KCNMA1: variants seen among roughly 807,000 people sequenced by gnomAD.
KCNMA1 encodes potassium calcium-activated channel subfamily M alpha 1.
A neutral mutation model predicts 140.0 loss-of-function variants in KCNMA1; 29 were observed. The ratio of observed to expected loss-of-function variants is 0.21; its 90% CI spans 0.15 to 0.28. The LOEUF (loss-of-function observed/expected upper bound fraction) is 0.28, where lower values mean the gene tolerates loss of function less well. Ranked by LOEUF, KCNMA1 falls within the 10% of genes least tolerant of loss-of-function variation. The pLI, the probability that KCNMA1 is intolerant of heterozygous loss-of-function variation, is 1.00. For missense variants in KCNMA1, 880 were observed against 1,602.2 expected, an observed-to-expected ratio of 0.55 and a Z score of 7.70; for synonymous variants, 612 against 611.9, an observed-to-expected ratio of 1.00 and a Z score of 0.00.
At chr10:76,902,677 T>G (rs1490508560) in intron 25 of KCNMA1, 1 of 152,184 alleles carries the variant, frequency 6.6e-6, no homozygotes, top group Non-Finnish European at 1.5e-5. Flanking sequence ...TGGTTATGAG[T>G]ACAGATTTCC....
chr10:77,375,689 C>T (rs554106769), intron 2 of KCNMA1, among the ~76,000 whole-genome samples: 4 of 152,350 alleles, frequency 2.6e-5, no homozygotes, highest in African/African-American at 9.6e-5. Context: ...CTGCTCAGCT[C>T]GTGAGAGGGT....
chr10:77,089,487 T>C (rs2096766806), intron 10 of KCNMA1, among the ~76,000 whole-genome samples: 1 of 152,164 alleles, frequency 6.6e-6, no homozygotes, highest in Admixed American at 6.5e-5. Flanking sequence ...AGACTACCTT[T>C]TATCTAAAAA....
At chr10:77,372,201 T>G (rs977849240) in intron 2 of KCNMA1, among the ~76,000 whole-genome samples, 2 of 152,140 alleles carry the variant, frequency 1.3e-5, no homozygotes, top group Non-Finnish European at 2.9e-5. Context: ...CCACTTCCCT[T>G]GTTCCCCTCT....
At chr10:76,916,045 C>T (rs751610710) in intron 23 of KCNMA1, among the ~76,000 whole-genome samples, 1 of 150,156 alleles carries the variant, frequency 6.7e-6, no homozygotes, top group Non-Finnish European at 1.5e-5. Context: ...CACACACACA[C>T]ATACACAAAT....
chr10:77,376,359 A>G lies in KCNMA1; in HGVS notation c.540+27503T>C, dbSNP rs1392526090. 4 of 152,146 alleles carry G rather than the reference A, an allele frequency of 2.6e-5. No homozygotes were observed. In the East Asian group the frequency reaches 7.7e-4, roughly 29 times the overall value. The allele number at this position is 152,146 out of a possible 1,614,324, so 9.4% of individuals were successfully genotyped here. ...AATAGGTCCTGGGGGAGAGGGGGAGATAACAATGGAACACACCAAAAGGGA... is the reference window on the plus strand; with the variant it reads ...AATAGGTCCTGGGGGAGAGGGGGAGGTAACAATGGAACACACCAAAAGGGA... On this transcript the variant is annotated intron_variant, in intron 2 of 27. Transcript: ENST00000286628.
intron 1 of KCNMA1, chr10:77,634,953 T>G (rs1022069614): frequency 6.6e-6 from 1 of 152,140 alleles, no homozygotes; most frequent in Non-Finnish European, 1.5e-5. Flanking sequence ...AGATTCTAGG[T>G]GTGCTTTAAA....
At chr10:77,299,611 G>A (rs1408926218) in intron 2 of KCNMA1, among the ~76,000 whole-genome samples, 5 of 152,164 alleles carry the variant, frequency 3.3e-5, no homozygotes, top group Admixed American at 2.0e-4. Flanking sequence ...GTTCTGGAAC[G>A]CAGCTCTAAG....
intron 1 of KCNMA1, among the ~76,000 whole-genome samples, chr10:77,595,023 T>C (rs886632972): frequency 6.6e-6 from 1 of 152,106 alleles, no homozygotes; most frequent in African/African-American, 2.4e-5. Context: ...AATCTCACAA[T>C]GAGGTTGTAA....
chr10:77,540,565 T>C (rs1419383822), intron 1 of KCNMA1, among the ~76,000 whole-genome samples: 4 of 152,372 alleles, frequency 2.6e-5, no homozygotes, highest in African/African-American at 9.6e-5. Flanking sequence ...AGACTAGCAC[T>C]AGCAATTGGA....
chr10:77,191,769 GTA>G (rs2098940310), intron 3 of KCNMA1, among the ~76,000 whole-genome samples: 2 of 152,034 alleles, frequency 1.3e-5, no homozygotes, highest in African/African-American at 4.8e-5. Context: ...TGACTCTAAT[GTA>G]AATAGAAAAC....
At chr10:77,112,533 G>C in intron 6 of KCNMA1, 91 bp from the exon 7 acceptor site, 5 of 867,506 alleles carry the variant, frequency 5.8e-6, no homozygotes, top group Non-Finnish European at 9.7e-6. Context: ...CGCTTAGCAG[G>C]AGAGGCTGCC....
chr10:77,106,556 T>A (rs1352019862), intron 9 of KCNMA1, among the ~76,000 whole-genome samples: 4 of 150,446 alleles, frequency 2.7e-5, no homozygotes, highest in Non-Finnish European at 5.9e-5. Context: ...AAAAATCACC[T>A]GGAATGAAAG....
chr10:77,452,307 G>A (rs951168817), intron 1 of KCNMA1, among the ~76,000 whole-genome samples: 47 of 152,276 alleles, frequency 3.1e-4, no homozygotes, highest in African/African-American at 1.1e-3. Context: ...CATTTGAGGC[G>A]GAGATTCAGG....
chr10:76,877,559 C>T (rs2032621794), downstream of KCNMA1: 1 of 510,130 alleles, frequency 2.0e-6, no homozygotes, highest in Admixed American at 3.4e-5. Context: ...ATTTTCTTTT[C>T]CAAAATACAT....
chr10:77,526,007 A>AT (rs1470792291), intron 1 of KCNMA1, among the ~76,000 whole-genome samples: 1 of 152,006 alleles, frequency 6.6e-6, no homozygotes, highest in East Asian at 1.9e-4. Context: ...TTGGAGAAAG[A>AT]TTTTCTCTAT....
In KCNMA1 at chr10:77,597,156, G is replaced by A. The variant is rs1230128751; in HGVS notation, c.378+40109C>T. On this transcript the variant is annotated intron_variant, in intron 1 of 27. Transcript: ENST00000286628. Reference sequence around the variant, plus strand: ...ACCATACCCTGACAACAACCTGAAAGTCCATCAAAAGAGAATGATTGAAAA... The same window carrying A: ...ACCATACCCTGACAACAACCTGAAAATCCATCAAAAGAGAATGATTGAAAA... Among the ~76,000 whole-genome samples the A allele has an allele frequency of 4.6e-5, 7 of 152,084 alleles. No homozygotes were observed. The South Asian group carries it at 1.0e-3, about 23-fold the overall frequency.
intron 15 of KCNMA1, among the ~76,000 whole-genome samples, chr10:77,030,583 CA>C (rs2093860549): frequency 6.6e-6 from 1 of 152,178 alleles, no homozygotes; most frequent in African/African-American, 2.4e-5. Flanking sequence ...CAAAGATCTT[CA>C]TTGCTTTTAT....
At chr10:77,332,665 G>C (rs578187062) in intron 2 of KCNMA1, among the ~76,000 whole-genome samples, 7 of 152,298 alleles carry the variant, frequency 4.6e-5, no homozygotes, top group Admixed American at 3.9e-4. Context: ...AGCTAGGAGG[G>C]TTTTGCAGTG....
intron 1 of KCNMA1, among the ~76,000 whole-genome samples, chr10:77,466,929 A>G (rs200986092): frequency 4.1e-5 from 3 of 73,680 alleles, no homozygotes; most frequent in Admixed American, 2.8e-4. Context: ...AAAGGGAGGG[A>G]GGGGGGAAAG....
Sources: gnomAD v4.1 joint callset for allele counts (sites outside exome capture counted in the v4.1 genomes callset) on GRCh38, gnomAD v4.1.1 for gene constraint, MANE v1.5 for transcripts, NCBI Gene and HGNC (gene_info 2026-07-23, HGNC 2026-07-21) for gene names.